Variants in IGSF10 observed in about 807,000 individuals in gnomAD.
The protein encoded by IGSF10 is immunoglobulin superfamily member 10.
In IGSF10, 126 loss-of-function variants were observed where a neutral mutation model predicts 128.2. The ratio of observed to expected loss-of-function variants is 0.98; its 90% CI spans 0.85 to 1.14. The LOEUF is 1.14. Among genes scored for constraint, IGSF10 ranks in the 50% most tolerant of loss-of-function variants. The pLI, the probability that IGSF10 is intolerant of heterozygous loss-of-function variation, is 0.00. For missense variants in IGSF10, 3,295 were observed against 3,149.8 expected, an observed-to-expected ratio of 1.05 and a Z score of -1.10; for synonymous variants, 1,185 against 1,146.2, an observed-to-expected ratio of 1.03 and a Z score of -0.68.
chr3:151,615,861 T>A, the IGSF10 span, among the ~76,000 whole-genome samples: 4 of 152,166 alleles, frequency 2.6e-5, no homozygotes, highest in Non-Finnish European at 5.9e-5. Context: ...AACTATCAAC[T>A]GTGACAACTT....
At chr3:151,547,427 T>TAC in the IGSF10 span, among the ~76,000 whole-genome samples, 54,662 of 139,866 alleles carry the variant, frequency 0.39, 10,014 homozygotes, top group South Asian at 0.5. Context: ...TAAATATATA[T>TAC]ATACACACAC....
chr3:151,489,522 C>T, the IGSF10 span, among the ~76,000 whole-genome samples: 7 of 152,222 alleles, frequency 4.6e-5, no homozygotes, highest in African/African-American at 7.2e-5. Context: ...CACATACACA[C>T]ATATGTTTAT....
At chr3:151,452,722 G>T (rs1296553021) in intron 5 of IGSF10, among the ~76,000 whole-genome samples, 5 of 152,076 alleles carry the variant, frequency 3.3e-5, no homozygotes, top group African/African-American at 1.2e-4. Flanking sequence ...AAAGGCAAAA[G>T]ACTTCTAATA....
rs774294908 is a variant in IGSF10, at chr3:151,446,317, G to A, written c.3664C>T (p.Gln1222Ter). Residue 1222 changes from glutamine (Q) to a stop codon, truncating the protein, a stop_gained, in exon 6 of 8, where the codon CAA becomes TAA. Coordinates refer to ENST00000282466, the MANE Select transcript of IGSF10 (RefSeq NM_178822.5). LOFTEE classifies it high-confidence loss of function. ...CTTTTTTGTAAACTAACTTTATGTT[G>A]ATTCCTTAATCTGCCTTTTGGGTTA... ...NHNPKGRLRN[Q>*]HKVSLQKSTA... 1 of 1,614,026 alleles carries A rather than the reference G, an allele frequency of 6.2e-7. No individual in the cohort carries two copies.
At chr3:151,439,050 A>G (rs1287889973) in intron 7 of IGSF10, among the ~76,000 whole-genome samples, 1 of 152,162 alleles carries the variant, frequency 6.6e-6, no homozygotes, top group Non-Finnish European at 1.5e-5. Context: ...TAGTGCAAGT[A>G]AGTATTTCTC....
Position 151,445,280 on chromosome 3 carries a change from T to C in IGSF10, c.4701A>G (p.Pro1567=). 1.9e-6 allele frequency: 3 copies of C among 1,614,204 alleles called. No individual in the cohort carries two copies. Among genetic ancestry groups the C allele is most frequent in the South Asian group, 1.1e-5 (1 of 91,082 alleles). ...TVKSQNSKLT[P]SPWAENQFWH... ...AAAATTGGTTTTCTGCCCAGGGAGATGGAGTTAATTTAGAATTCTGTGATT... is the reference window on the plus strand; with the variant it reads ...AAAATTGGTTTTCTGCCCAGGGAGACGGAGTTAATTTAGAATTCTGTGATT... The change falls in exon 6 of 8, where the codon CCA becomes CCG. Residue 1567 remains proline, a synonymous_variant. Coordinates refer to ENST00000282466, the MANE Select transcript of IGSF10 (RefSeq NM_178822.5).
chr3:151,562,595 C>T, the IGSF10 span, among the ~76,000 whole-genome samples: 2 of 152,070 alleles, frequency 1.3e-5, no homozygotes, highest in Non-Finnish European at 2.9e-5. Context: ...GTCAAACCAC[C>T]TCATTTTAAG....
At chr3:151,449,470 T>C (rs138760136) in intron 5 of IGSF10, among the ~76,000 whole-genome samples, 21 of 152,344 alleles carry the variant, frequency 1.4e-4, no homozygotes, top group Middle Eastern at 3.4e-3. Flanking sequence ...TGCATAGACA[T>C]AGGATTTTGT....
At chr3:151,551,662 TACACACACACACAC>T in the IGSF10 span, among the ~76,000 whole-genome samples, 12 of 145,386 alleles carry the variant, frequency 8.3e-5, no homozygotes, top group Admixed American at 2.1e-4. Context: ...ACATGGGCAT[TACACACACACACAC>T]ACACACACAC....
At chr3:151,515,555 C>G in the IGSF10 span, among the ~76,000 whole-genome samples, 16 of 151,342 alleles carry the variant, frequency 1.1e-4, no homozygotes, top group African/African-American at 3.9e-4. Context: ...ACCAACATGG[C>G]ACATGTATAC....
chr3:151,579,156 G>A, the IGSF10 span, among the ~76,000 whole-genome samples: 1 of 152,200 alleles, frequency 6.6e-6, no homozygotes, highest in Admixed American at 6.5e-5. Flanking sequence ...GAGGCCAGTG[G>A]TGTGCTAGGG....
intron 4 of IGSF10, among the ~76,000 whole-genome samples, chr3:151,455,355 G>GC (rs71138498): frequency 0.74 from 112,252 of 151,130 alleles, 41,829 homozygotes; most frequent in Middle Eastern, 0.94. Context: ...CAGGTGATCT[G>GC]CCCCCCCTTG....
the IGSF10 span, among the ~76,000 whole-genome samples, chr3:151,569,687 T>C: frequency 6.6e-6 from 1 of 152,106 alleles, no homozygotes; most frequent in South Asian, 2.1e-4. Context: ...TATTAAAGAA[T>C]TTGTGAATAT....
chr3:151,446,480 G>C lies in IGSF10; in HGVS notation c.3501C>G (p.Ser1167Arg). The change falls in exon 6 of 8, where the codon AGC (serine) becomes AGG (arginine). Residue 1167 changes from serine (S) to arginine (R), a missense_variant. Coordinates refer to ENST00000282466, the MANE Select transcript of IGSF10 (RefSeq NM_178822.5). ...KVNASYPRVS[S>R]TNEAKRDSVI... ...CTGAATCTCTTTTAGCTTCATTGGT[G>C]CTAGACACACGTGGGTAACTGGCGT... The C allele has an allele frequency of 6.2e-7, 1 of 1,614,180 alleles. No homozygotes were observed. The highest frequency in any genetic ancestry group is 8.5e-7 in the Non-Finnish European group (1 of 1,180,038).
chr3:151,569,618 C>T, the IGSF10 span, among the ~76,000 whole-genome samples: 15 of 152,240 alleles, frequency 9.9e-5, no homozygotes, highest in African/African-American at 3.6e-4. Flanking sequence ...AATGCAGCCA[C>T]AAAGTCCTGC....
At chr3:151,449,481 C>T (rs4680440) in intron 5 of IGSF10, among the ~76,000 whole-genome samples, 113,980 of 152,100 alleles carry the variant, frequency 0.75, 42,863 homozygotes, top group Middle Eastern at 0.95. Context: ...AGGATTTTGT[C>T]TATCTTATTC....
intron 3 of IGSF10, among the ~76,000 whole-genome samples, chr3:151,457,559 G>A (rs995473278): frequency 6.6e-6 from 1 of 152,160 alleles, no homozygotes; most frequent in Non-Finnish European, 1.5e-5. Context: ...TAAGAAGCCT[G>A]GGCTCTGGAG....
chr3:151,474,028 G>C, the IGSF10 span, among the ~76,000 whole-genome samples: 1 of 152,040 alleles, frequency 6.6e-6, no homozygotes, highest in Non-Finnish European at 1.5e-5. Context: ...GGAATTTAAA[G>C]CTAATTTGTG....
chr3:151,480,375 C>T, the IGSF10 span, among the ~76,000 whole-genome samples: 1 of 152,118 alleles, frequency 6.6e-6, no homozygotes, highest in East Asian at 1.9e-4. Context: ...GCAATAGGAT[C>T]CCAACAGCCA....
Sources: allele counts gnomAD v4.1 joint callset (sites outside exome capture counted in the v4.1 genomes callset), GRCh38; gene constraint gnomAD v4.1.1; transcripts MANE v1.5; gene names NCBI Gene and HGNC (gene_info 2026-07-23, HGNC 2026-07-21).